The following PRDM11 variants were observed in gnomAD, a reference collection of about 807,000 sequenced individuals.
PRDM11 encodes the protein PR/SET domain 11.
A neutral mutation model predicts 97.8 loss-of-function variants in PRDM11; 20 were observed. The observed-to-expected ratio is 0.20, with a 90% CI of 0.14 to 0.30. PRDM11 has a LOEUF of 0.30. Ranked by LOEUF, PRDM11 falls within the 10% of genes least tolerant of loss-of-function variation. The pLI is 1.00. For missense variants in PRDM11, 1,139 were observed against 1,555.2 expected, an observed-to-expected ratio of 0.73 and a Z score of 4.50; for synonymous variants, 599 against 637.7, an observed-to-expected ratio of 0.94 and a Z score of 0.91.
At chr11:45,220,737 G>A (rs1223275936) in intron 6 of PRDM11, among the ~76,000 whole-genome samples, 1 of 152,194 alleles carries the variant, frequency 6.6e-6, no homozygotes, top group Non-Finnish European at 1.5e-5. Context: ...GAAGAAGGTT[G>A]GCAGGAGGTG....
chr11:45,187,967 A>C (rs1227291103), intron 4 of PRDM11, among the ~76,000 whole-genome samples: 2 of 152,002 alleles, frequency 1.3e-5, no homozygotes, highest in Non-Finnish European at 2.9e-5. Context: ...AGTGGTGCTG[A>C]TTTTTGGACC....
Position 45,204,716 on chromosome 11 carries a change from G to A in PRDM11, c.492G>A (p.Val164=), listed in dbSNP as rs748278459. Residue 164 remains valine (V), a synonymous_variant, in exon 5 of 8, where the codon GTG becomes GTA. Transcript: ENST00000683152. The part of the protein sequence containing the change: ...KSAGFFSWLI[V]DKNNRYKSID... ...ACTCTTTCTCTTTCTTCCAGATTGT[G>A]GACAAGAACAACCGCTATAAGTCCA... 17 of 1,611,456 alleles carry A rather than the reference G, an allele frequency of 1.1e-5. 1 individual carries two copies. In the Admixed American group the frequency reaches 1.2e-4, roughly 11 times the overall value.
intron 5 of PRDM11, among the ~76,000 whole-genome samples, chr11:45,210,440 C>A (rs1156240842): frequency 6.6e-6 from 1 of 152,234 alleles, no homozygotes; most frequent in Non-Finnish European, 1.5e-5. Flanking sequence ...GGGACTGCAA[C>A]CCTTCCTTTC....
intron 1 of PRDM11, among the ~76,000 whole-genome samples, chr11:45,162,780 A>G (rs6485596): frequency 0.91 from 138,078 of 152,246 alleles, 63,483 homozygotes; most frequent in Non-Finnish European, 0.98. Flanking sequence ...TGGTCGGGGG[A>G]TCATTAAGGT....
At chr11:45,195,555 T>C (rs1853092350) in intron 4 of PRDM11, among the ~76,000 whole-genome samples, 1 of 152,088 alleles carries the variant, frequency 6.6e-6, no homozygotes, top group Non-Finnish European at 1.5e-5. Flanking sequence ...TATCATTCCC[T>C]TTTACTTTCT....
chr11:45,218,351 ATAT>A (rs1854016573), intron 5 of PRDM11, among the ~76,000 whole-genome samples: 1 of 152,142 alleles, frequency 6.6e-6, no homozygotes, highest in Non-Finnish European at 1.5e-5. Context: ...ACCAATAGAG[ATAT>A]TATCATCTTT....
intron 1 of PRDM11, among the ~76,000 whole-genome samples, chr11:45,127,198 A>T (rs570224128): frequency 3.3e-5 from 5 of 152,244 alleles, no homozygotes; most frequent in Non-Finnish European, 7.4e-5. Flanking sequence ...CAGCTCCTTT[A>T]AGCACTTCTC....
intron 1 of PRDM11, among the ~76,000 whole-genome samples, chr11:45,159,485 C>T (rs937989281): frequency 1.3e-4 from 20 of 152,208 alleles, no homozygotes; most frequent in African/African-American, 3.6e-4. Context: ...AGCTACTGTT[C>T]GCCCAGTTTG....
intron 5 of PRDM11, among the ~76,000 whole-genome samples, chr11:45,206,000 T>C (rs1490230168): frequency 6.6e-6 from 1 of 152,270 alleles, no homozygotes; most frequent in African/African-American, 2.4e-5. Flanking sequence ...CCCAACCTCC[T>C]TGGACACAGC....
At chr11:45,178,259 T>C (rs988432244) in intron 1 of PRDM11, among the ~76,000 whole-genome samples, 1 of 152,096 alleles carries the variant, frequency 6.6e-6, no homozygotes. Context: ...TTATTCCTAA[T>C]GGGGACCACC....
chr11:45,180,359 C>T (rs866920230), intron 1 of PRDM11, among the ~76,000 whole-genome samples: 1 of 152,156 alleles, frequency 6.6e-6, no homozygotes, highest in Non-Finnish European at 1.5e-5. Context: ...GCACGGGTGG[C>T]AGCGCAGGCC....
upstream of PRDM11, among the ~76,000 whole-genome samples, chr11:45,142,292 C>A (rs1851423625): frequency 6.6e-6 from 1 of 152,194 alleles, no homozygotes; most frequent in Non-Finnish European, 1.5e-5. Flanking sequence ...CCACACTGCA[C>A]CCTGGGCACA....
chr11:45,174,198 T>G (rs1852273081), intron 1 of PRDM11, among the ~76,000 whole-genome samples: 1 of 152,202 alleles, frequency 6.6e-6, no homozygotes, highest in Non-Finnish European at 1.5e-5. Context: ...TCATCCAGAT[T>G]ATAGCATGTA....
chr11:45,169,565 T>A (rs544892683), intron 1 of PRDM11, among the ~76,000 whole-genome samples: 1 of 152,364 alleles, frequency 6.6e-6, no homozygotes, highest in East Asian at 1.9e-4. Context: ...CATTTATGCC[T>A]GAGGTTGCAA....
chr11:45,187,635 A>G (rs368092583), intron 4 of PRDM11, among the ~76,000 whole-genome samples: 1 of 152,108 alleles, frequency 6.6e-6, no homozygotes, highest in African/African-American at 2.4e-5. Context: ...CTAGGGCCTT[A>G]GCTGCAGCCA....
chr11:45,215,191 G>A (rs1375904869), intron 5 of PRDM11, among the ~76,000 whole-genome samples: 2 of 152,144 alleles, frequency 1.3e-5, no homozygotes, highest in African/African-American at 4.8e-5. Flanking sequence ...CACTGGCAAG[G>A]CTCTGCCCAC....
chr11:45,227,585 A>G lies in PRDM11; in HGVS notation c.2960A>G (p.Gln987Arg). 10 of 1,533,930 alleles carry G rather than the reference A, an allele frequency of 6.5e-6. No homozygotes were observed. Among genetic ancestry groups the G allele is most frequent in the Non-Finnish European group, 8.7e-6 (10 of 1,146,730 alleles). The change falls in exon 8 of 8, where the codon CAG (glutamine) becomes CGG (arginine). Residue 987 changes from glutamine (Q) to arginine (R), a missense_variant. Gln to Arg is a conservative substitution (Grantham distance 43, BLOSUM62 1). Transcript: ENST00000683152. The surrounding 1 kb of genome is among the most constrained non-coding windows in gnomAD (Gnocchi z 8.0). ...SRSRIFVKAC[Q>R]VFDLAAWPRS... ...AGCCGGATCTTTGTGAAGGCCTGCC[A>G]GGTGTTTGACCTGGCTGCCTGGCCC...
At chr11:45,212,975 C>T (rs1345631570) in intron 5 of PRDM11, 1 of 395,244 alleles carries the variant, frequency 2.5e-6, no homozygotes, top group Non-Finnish European at 5.1e-6. Flanking sequence ...GCCAGAGCCC[C>T]CACCAGCTTC....
chr11:45,116,962 G>A (rs992781071), intron 1 of PRDM11, among the ~76,000 whole-genome samples: 1 of 152,182 alleles, frequency 6.6e-6, no homozygotes, highest in Non-Finnish European at 1.5e-5. Context: ...AATGGCTCAC[G>A]CCTGTAATCC....
Sources: gnomAD v4.1 joint callset for allele counts (sites outside exome capture counted in the v4.1 genomes callset) on GRCh38, gnomAD v4.1.1 for gene constraint, Gnocchi (gnomAD v3.1) non-coding constraint, MANE v1.5 for transcripts, NCBI Gene and HGNC (gene_info 2026-07-23, HGNC 2026-07-21) for gene names.